Variants in HEMK2 observed in about 807,000 individuals in gnomAD.
HEMK2 encodes the protein methyltransferase HEMK2.
the HEMK2 span, among the ~76,000 whole-genome samples, chr21:28,796,068 T>C: frequency 6.6e-6 from 1 of 152,192 alleles, no homozygotes; most frequent in Non-Finnish European, 1.5e-5. Flanking sequence ...CTTGACTCTA[T>C]ACAGATTTTC....
the HEMK2 span, among the ~76,000 whole-genome samples, chr21:28,811,718 T>C: frequency 6.6e-6 from 1 of 152,190 alleles, no homozygotes; most frequent in Non-Finnish European, 1.5e-5. Flanking sequence ...ACTCTCTCAC[T>C]AGGTTGTAGG....
the HEMK2 span, among the ~76,000 whole-genome samples, chr21:28,706,977 A>T: frequency 6.6e-6 from 1 of 152,198 alleles, no homozygotes; most frequent in Non-Finnish European, 1.5e-5. Context: ...TAATGTACAC[A>T]AAGAAGGTGG....
chr21:28,720,145 T>G, the HEMK2 span, among the ~76,000 whole-genome samples: 4 of 152,238 alleles, frequency 2.6e-5, no homozygotes, highest in Admixed American at 2.0e-4. Flanking sequence ...GCTACAGTAT[T>G]GTTGGCCATG....
the HEMK2 span, among the ~76,000 whole-genome samples, chr21:28,643,451 G>T: frequency 1.4e-5 from 2 of 143,672 alleles, no homozygotes; most frequent in African/African-American, 2.6e-5. Flanking sequence ...ACTGAGGGGG[G>T]AGGATTGTTT....
chr21:28,875,448 G>C, the HEMK2 span: 6 of 152,228 alleles, frequency 3.9e-5, no homozygotes, highest in Admixed American at 2.6e-4. Flanking sequence ...CACCTATAGG[G>C]ACCTGCCAGA....
At chr21:28,834,632 G>A in the HEMK2 span, among the ~76,000 whole-genome samples, 1 of 152,178 alleles carries the variant, frequency 6.6e-6, no homozygotes, top group African/African-American at 2.4e-5. Context: ...TAGAACGGGG[G>A]TTGAAGCCTC....
the HEMK2 span, among the ~76,000 whole-genome samples, chr21:28,593,804 T>C: frequency 6.6e-6 from 1 of 152,166 alleles, no homozygotes; most frequent in African/African-American, 2.4e-5. Flanking sequence ...GCTACATAAG[T>C]AAATAAATGA....
At chr21:28,577,198 G>A in the HEMK2 span, 1 of 152,164 alleles carries the variant, frequency 6.6e-6, no homozygotes, top group African/African-American at 2.4e-5. Flanking sequence ...GAAAAGCAGA[G>A]ACCAGCACAA....
At chr21:28,702,980 T>C in the HEMK2 span, among the ~76,000 whole-genome samples, 1 of 151,892 alleles carries the variant, frequency 6.6e-6, no homozygotes, top group Non-Finnish European at 1.5e-5. Context: ...TACACAGCCA[T>C]AAAAAAAGAA....
chr21:28,727,798 C>T, the HEMK2 span, among the ~76,000 whole-genome samples: 1 of 152,178 alleles, frequency 6.6e-6, no homozygotes, highest in Non-Finnish European at 1.5e-5. Flanking sequence ...TCAGACCAGA[C>T]CTGTTTCATT....
the HEMK2 span, among the ~76,000 whole-genome samples, chr21:28,703,401 T>C: frequency 1.3e-5 from 2 of 152,078 alleles, no homozygotes; most frequent in Non-Finnish European, 2.9e-5. Context: ...ATAAGCATTA[T>C]TATCCTGGTT....
the HEMK2 span, among the ~76,000 whole-genome samples, chr21:28,728,793 A>C: frequency 6.6e-6 from 1 of 152,240 alleles, no homozygotes; most frequent in Non-Finnish European, 1.5e-5. Context: ...CTTTTTTAAC[A>C]GATTCTGAAA....
chr21:28,640,473 A>G, the HEMK2 span, among the ~76,000 whole-genome samples: 1 of 152,230 alleles, frequency 6.6e-6, no homozygotes, highest in African/African-American at 2.4e-5. Flanking sequence ...TTTGGGGAAG[A>G]GTTGAGTCAA....
At chr21:28,698,171 G>A in the HEMK2 span, among the ~76,000 whole-genome samples, 69 of 152,240 alleles carry the variant, frequency 4.5e-4, no homozygotes, top group African/African-American at 1.4e-3. Flanking sequence ...GGAAACACAC[G>A]AAGATTCAGA....
At chr21:28,832,518 T>C in the HEMK2 span, among the ~76,000 whole-genome samples, 12,546 of 152,248 alleles carry the variant, frequency 0.082, 1,191 homozygotes, top group African/African-American at 0.22. Context: ...AAATGAATCA[T>C]TGAATTGAGG....
chr21:28,663,179 CAT>C, the HEMK2 span, among the ~76,000 whole-genome samples: 1 of 152,148 alleles, frequency 6.6e-6, no homozygotes, highest in Non-Finnish European at 1.5e-5. Context: ...GGAAGAAAGA[CAT>C]AATTTCCTAC....
the HEMK2 span, among the ~76,000 whole-genome samples, chr21:28,775,969 G>T: frequency 1.4e-5 from 2 of 147,922 alleles, no homozygotes; most frequent in Non-Finnish European, 3.0e-5. Flanking sequence ...GAGAGGTGAG[G>T]GTAAAAAAAA....
the HEMK2 span, among the ~76,000 whole-genome samples, chr21:28,613,619 CTTTTTTTTTTTTTT>C: frequency 1.1e-3 from 89 of 82,704 alleles, 2 homozygotes; most frequent in South Asian, 5.4e-3. Context: ...TCTGCATATT[CTTTTTTTTTTTTTT>C]TTTTTTTTTT....
the HEMK2 span, among the ~76,000 whole-genome samples, chr21:28,816,309 A>G: frequency 6.6e-6 from 1 of 152,226 alleles, no homozygotes; most frequent in Non-Finnish European, 1.5e-5. Flanking sequence ...GGAAATTTAG[A>G]ATGTCAGTGT....
Sources: allele counts gnomAD v4.1 joint callset (sites outside exome capture counted in the v4.1 genomes callset), GRCh38; gene constraint gnomAD v4.1.1; transcripts MANE v1.5; gene names NCBI Gene and HGNC (gene_info 2026-07-23, HGNC 2026-07-21).